The following ROS1 variants were observed in gnomAD, a reference collection of about 807,000 sequenced individuals.
The protein encoded by ROS1 is ROS proto-oncogene 1, receptor tyrosine kinase, also known as proto-oncogene tyrosine-protein kinase ROS.
ROS1 carries 263 observed loss-of-function variants against 273.5 expected under a neutral mutation model. That is an observed-to-expected ratio of 0.96 (90% CI 0.87 to 1.06). The LOEUF (loss-of-function observed/expected upper bound fraction) is 1.06. ROS1 is among the 50% of genes least tolerant of loss of function. The probability of loss-of-function intolerance (pLI) is 0.00; values close to 1 mark genes in which losing one functional copy is unlikely to be tolerated. For synonymous variants in ROS1, 1,008 were observed against 954.1 expected, an observed-to-expected ratio of 1.06 and a Z score of -1.04; for missense variants, 2,833 against 2,751.1, an observed-to-expected ratio of 1.03 and a Z score of -0.67.
In ROS1 at chr6:117,327,231, A is replaced by G. The variant is rs374792187; in HGVS notation, c.5349-817T>C. Reference sequence around the variant, plus strand: ...CAACAGAGAGTGAAGGCTGGCCCTCATAAGAGGCAGGGAAAGGGTAAGAAC... The same window carrying G: ...CAACAGAGAGTGAAGGCTGGCCCTCGTAAGAGGCAGGGAAAGGGTAAGAAC... On this transcript the variant is annotated intron_variant, in intron 33 of 43. Transcript: ENST00000368507. 9.8e-5 allele frequency among the ~76,000 whole-genome samples: 15 copies of G among 152,318 alleles called. 1 individual carries two copies. In the East Asian group the frequency reaches 2.3e-3, roughly 24 times the overall value.
At chr6:117,371,430 A>C (rs1403842588) in intron 18 of ROS1, among the ~76,000 whole-genome samples, 3 of 152,176 alleles carry the variant, frequency 2.0e-5, no homozygotes, top group Non-Finnish European at 4.4e-5. Flanking sequence ...GGGCACTTGC[A>C]GTCCCCAGGG....
chr6:117,393,218 A>C lies in ROS1; in HGVS notation c.1289+6T>G, dbSNP rs1397855002. 4 of 1,473,284 alleles carry C rather than the reference A, an allele frequency of 2.7e-6. No individual in the cohort carries two copies. The highest frequency in any genetic ancestry group is 2.9e-6 in the Non-Finnish European group (3 of 1,052,214). The allele number at this position is 1,473,284 out of a possible 1,614,324, so 91.3% of individuals were successfully genotyped here. ...GAGAATTCATCTTTACAAGGCTAAC[A>C]CATACCCATTGTATGAATCAGCCAC... On this transcript the variant is annotated splice_donor_region_variant and intron_variant, in intron 12 of 43. Coordinates refer to ENST00000368507, the MANE Select transcript of ROS1 (RefSeq NM_001378902.1).
At chr6:117,400,521 T>A (rs2128721113) in intron 7 of ROS1, among the ~76,000 whole-genome samples, 1 of 152,358 alleles carries the variant, frequency 6.6e-6, no homozygotes, top group East Asian at 1.9e-4. Flanking sequence ...TATATTCTGA[T>A]AGGGCAACAT....
chr6:117,381,599 T>C (rs1772152846), intron 17 of ROS1, among the ~76,000 whole-genome samples: 1 of 152,134 alleles, frequency 6.6e-6, no homozygotes, highest in Non-Finnish European at 1.5e-5. Context: ...TGAGTGGTAT[T>C]CTATGGTGTA....
chr6:117,350,123 T>A (rs1387538054), intron 27 of ROS1, among the ~76,000 whole-genome samples: 1 of 151,808 alleles, frequency 6.6e-6, no homozygotes, highest in African/African-American at 2.4e-5. Context: ...CTGATCTATA[T>A]CATTTTTCTT....
intron 18 of ROS1, among the ~76,000 whole-genome samples, chr6:117,369,841 T>C (rs1301418109): frequency 6.6e-6 from 1 of 152,202 alleles, no homozygotes; most frequent in Non-Finnish European, 1.5e-5. Flanking sequence ...TATGTGCTTA[T>C]AGGCATTATG....
At chr6:117,397,293 T>A (rs1276945968) in intron 7 of ROS1, among the ~76,000 whole-genome samples, 177 bp from the exon 8 acceptor site, 2 of 152,134 alleles carry the variant, frequency 1.3e-5, no homozygotes, top group African/African-American at 4.8e-5. Flanking sequence ...ACCAGTTCGC[T>A]CCTTTCCCAA....
Position 117,389,348 on chromosome 6 carries a change from A to G in ROS1, c.1786+2T>C, listed in dbSNP as rs1275750046. ...TAACCACACTGGGGACAGAGCACTC[A>G]CTGGCTCCTATGGCAAGGGCAGGAG... On this transcript the variant is annotated splice_donor_variant, in intron 13 of 43. Transcript: ENST00000368507. LOFTEE classifies it high-confidence loss of function. The G allele has an allele frequency of 1.2e-6, 2 of 1,611,060 alleles. No individual in the cohort carries two copies. The highest frequency in any genetic ancestry group is 2.2e-5 in the South Asian group (2 of 90,634).
chr6:117,319,258 T>C (rs1182086568), intron 37 of ROS1, among the ~76,000 whole-genome samples: 1 of 152,180 alleles, frequency 6.6e-6, no homozygotes, highest in Admixed American at 6.6e-5. Flanking sequence ...ACTGACAAAC[T>C]ACAGCCTGTG....
At chr6:117,296,349 C>T (rs1023449899) in intron 43 of ROS1, among the ~76,000 whole-genome samples, 1 of 151,522 alleles carries the variant, frequency 6.6e-6, no homozygotes, top group Admixed American at 6.6e-5. Context: ...TGCAGTGAGC[C>T]GAGATCATGC....
intron 26 of ROS1, among the ~76,000 whole-genome samples, chr6:117,355,185 G>A (rs1198560435): frequency 6.6e-6 from 1 of 152,210 alleles, no homozygotes; most frequent in African/African-American, 2.4e-5. Context: ...TAGTCAAGAA[G>A]AGGACTCAGA....
intron 7 of ROS1, among the ~76,000 whole-genome samples, chr6:117,401,259 C>T (rs964351382): frequency 6.6e-6 from 1 of 152,140 alleles, no homozygotes; most frequent in Non-Finnish European, 1.5e-5. Context: ...CTCCTTCCAC[C>T]CTCCCAGTCT....
At position 117,394,752 on chromosome 6, in the gene ROS1, C is replaced by T. The variant is rs771760727; in HGVS notation, c.884-14G>A. Reference sequence around the variant, plus strand: ...CCTCTTGTTGAACTGAAAAAAACAACACAATTTGCAGACAGGTAGACCAAC... The same window carrying T: ...CCTCTTGTTGAACTGAAAAAAACAATACAATTTGCAGACAGGTAGACCAAC... On this transcript the variant is annotated splice_polypyrimidine_tract_variant and intron_variant, in intron 9 of 43. Coordinates refer to ENST00000368507, the MANE Select transcript of ROS1 (RefSeq NM_001378902.1). 6.2e-7 allele frequency: 1 copy of T among 1,601,090 alleles called. No homozygotes were observed. Among genetic ancestry groups the T allele is most frequent in the Admixed American group, 1.7e-5 (1 of 58,542 alleles).
chr6:117,365,337 G>C lies in ROS1; in HGVS notation c.2959-133C>G, dbSNP rs146868474. 6.2e-3 allele frequency: 5,942 copies of C among 955,458 alleles called. 25 individuals carry two copies. The highest frequency in any genetic ancestry group is 7.9e-3 in the Non-Finnish European group (5,167 of 651,362). The allele number at this position is 955,458 out of a possible 1,614,324, so 59.2% of individuals were successfully genotyped here. A position where few individuals can be genotyped will look rare whatever the true frequency, so the allele number is the denominator to read the frequency against. The stretch of plus-strand genomic sequence containing the variant: ...TTGCAATTTTGGAAGTGCTAATTTT[G>C]GCAAGTTCTGTGTTGTGCCACACAG... On this transcript the variant is annotated intron_variant, in intron 20 of 43. Transcript: ENST00000368507.
chr6:117,379,361 A>C (rs891332621), intron 17 of ROS1, among the ~76,000 whole-genome samples: 6 of 152,158 alleles, frequency 3.9e-5, no homozygotes, highest in African/African-American at 1.4e-4. Flanking sequence ...GGTGTCCTAA[A>C]ATTTTACAAA....
chr6:117,364,161 A>G (rs1780021608), intron 21 of ROS1, among the ~76,000 whole-genome samples: 1 of 152,160 alleles, frequency 6.6e-6, no homozygotes, highest in Admixed American at 6.5e-5. Flanking sequence ...TCCAATGCTA[A>G]CTGCTCCGGA....
intron 34 of ROS1, 130 bp downstream of exon 34, chr6:117,326,084 AATAAGATTAT>A (rs934646751): frequency 1.0e-5 from 2 of 194,300 alleles, no homozygotes; most frequent in Non-Finnish European, 1.7e-5. Flanking sequence ...TAGTTTGGAT[AATAAGATTAT>A]ATATATATAT....
chr6:117,391,847 A>C (rs1773095378), intron 12 of ROS1, among the ~76,000 whole-genome samples: 1 of 152,200 alleles, frequency 6.6e-6, no homozygotes. Flanking sequence ...TAAAACTAGA[A>C]TAATAAAAGT....
At position 117,360,498 on chromosome 6, in the gene ROS1, A is replaced by C. The variant is rs186521488; in HGVS notation, c.3367-93T>G. ...GAGAGATTACTAAATGTTTCATTTCATACTCCTGATACACAATATTAATAG... is the reference window on the plus strand; with the variant it reads ...GAGAGATTACTAAATGTTTCATTTCCTACTCCTGATACACAATATTAATAG... On this transcript the variant is annotated intron_variant, in intron 22 of 43. Transcript: ENST00000368507. The C allele has an allele frequency of 9.2e-3, 7,263 of 786,628 alleles. 47 individuals carry two copies. Among genetic ancestry groups the C allele is most frequent in the Non-Finnish European group, 0.012 (5,474 of 453,340 alleles). 48.7% of individuals were successfully genotyped at this position (786,628 alleles called of 1,614,324 possible). A position where few individuals can be genotyped will look rare whatever the true frequency, so the allele number is the denominator to read the frequency against.
Sources: allele counts gnomAD v4.1 joint callset (sites outside exome capture counted in the v4.1 genomes callset), GRCh38; gene constraint gnomAD v4.1.1; transcripts MANE v1.5; gene names NCBI Gene and HGNC (gene_info 2026-07-23, HGNC 2026-07-21).